Variants in NRG1 observed in about 807,000 individuals in gnomAD.
NRG1 encodes neuregulin 1, also known as pro-neuregulin-1, membrane-bound isoform.
NRG1 carries 18 observed loss-of-function variants against 63.8 expected under a neutral mutation model. That is an observed-to-expected ratio of 0.28 (90% CI 0.19 to 0.42). The LOEUF (loss-of-function observed/expected upper bound fraction) is 0.42. Ranked by LOEUF, NRG1 falls within the 10% of genes least tolerant of loss-of-function variation. NRG1 has a pLI of 1.00. For synonymous variants in NRG1, 302 were observed against 301.3 expected (o/e 1.00, Z -0.02); for missense variants, 762 against 814.7 (o/e 0.94, Z 0.79).
intron 1 of NRG1, among the ~76,000 whole-genome samples, chr8:32,010,809 G>A (rs143579100): frequency 1.2e-4 from 19 of 152,070 alleles, no homozygotes; most frequent in African/African-American, 3.9e-4. Context: ...GAGAGTTACC[G>A]TCATCAGAGT....
intron 1 of NRG1, among the ~76,000 whole-genome samples, chr8:32,593,301 T>C (rs991716136): frequency 1.3e-5 from 2 of 152,202 alleles, no homozygotes; most frequent in Non-Finnish European, 2.9e-5. Flanking sequence ...TGAGGCAATG[T>C]ATTTTTTTAA....
intron 1 of NRG1, among the ~76,000 whole-genome samples, chr8:31,943,410 A>C (rs1802056592): frequency 6.6e-6 from 1 of 152,112 alleles, no homozygotes; most frequent in African/African-American, 2.4e-5. Context: ...GCGAAGGATA[A>C]GAGAATATTC....
intron 5 of NRG1, among the ~76,000 whole-genome samples, chr8:32,655,619 G>A (rs1412060058): frequency 6.6e-6 from 1 of 152,128 alleles, no homozygotes; most frequent in East Asian, 1.9e-4. Context: ...AAAATGGTCT[G>A]TAGGACTTTA....
rs55951634 is a variant in NRG1 at position 32,196,118 on chromosome 8, A to AGTGTGTGTGTGTGTGT, written c.38-399691_38-399676dup. Among the ~76,000 whole-genome samples the AGTGTGTGTGTGTGTGT allele has an allele frequency of 1.0e-3, 150 of 146,950 alleles. 1 individual carries two copies. The highest frequency in any genetic ancestry group is 5.7e-3 in the Admixed American group (83 of 14,548). ...CAAATAATGTGCAGTAAAAACAATG[A>AGTGTGTGTGTGTGTGT]GTGTGTGTGTGTGTGTGTGTGTGTG... On this transcript the variant is annotated intron_variant, in intron 1 of 10. Coordinates refer to the NRG1 transcript ENST00000519301.
intron 1 of NRG1, among the ~76,000 whole-genome samples, chr8:32,124,423 C>G (rs113462063): frequency 0.024 from 3,596 of 151,986 alleles, 155 homozygotes; most frequent in African/African-American, 0.082. Context: ...ATCTTCCCAA[C>G]AAACAGTGAA....
At chr8:32,515,477 C>T (rs556659193) in intron 1 of NRG1, among the ~76,000 whole-genome samples, 59 of 152,136 alleles carry the variant, frequency 3.9e-4, no homozygotes, top group African/African-American at 1.1e-3. Context: ...GACAGGGTCT[C>T]GCTCTGTTTC....
intron 1 of NRG1, among the ~76,000 whole-genome samples, chr8:31,683,172 A>G (rs1808512696): frequency 6.6e-6 from 1 of 152,160 alleles, no homozygotes; most frequent in South Asian, 2.1e-4. Context: ...CTCTTACCAC[A>G]TGATCCAGAA....
intron 1 of NRG1, among the ~76,000 whole-genome samples, chr8:31,717,067 C>A (rs192401449): frequency 1.1e-4 from 16 of 152,264 alleles, no homozygotes; most frequent in African/African-American, 3.6e-4. Flanking sequence ...TTTTAAGTTT[C>A]TTAAAGGAAA....
chr8:32,104,297 T>C (rs1406913582), intron 1 of NRG1, among the ~76,000 whole-genome samples: 1 of 152,200 alleles, frequency 6.6e-6, no homozygotes, highest in Admixed American at 6.5e-5. Flanking sequence ...AAAGGCACAG[T>C]AAAATATGGT....
At chr8:32,274,473 T>C (rs1851878246) in intron 1 of NRG1, among the ~76,000 whole-genome samples, 1 of 152,236 alleles carries the variant, frequency 6.6e-6, no homozygotes, top group Admixed American at 6.5e-5. Flanking sequence ...GCAAAATGTT[T>C]TTACACATGA....
At chr8:31,818,853 C>T (rs970046344) in intron 1 of NRG1, among the ~76,000 whole-genome samples, 3 of 152,020 alleles carry the variant, frequency 2.0e-5, no homozygotes, top group South Asian at 2.1e-4. Flanking sequence ...GTCAGGATAT[C>T]GAGACCATCC....
intron 1 of NRG1, among the ~76,000 whole-genome samples, chr8:31,922,580 T>C (rs1017544289): frequency 6.6e-6 from 1 of 152,234 alleles, no homozygotes; most frequent in African/African-American, 2.4e-5. Flanking sequence ...TTTACTTTTA[T>C]GGGTTGAGCC....
intron 1 of NRG1, among the ~76,000 whole-genome samples, chr8:32,586,311 A>G (rs1841611190): frequency 6.6e-6 from 1 of 151,896 alleles, no homozygotes; most frequent in African/African-American, 2.4e-5. Context: ...TAAGATTTTT[A>G]TCTTTAGTCC....
At chr8:32,705,526 T>G (rs1245135405) in intron 5 of NRG1, among the ~76,000 whole-genome samples, 1 of 152,226 alleles carries the variant, frequency 6.6e-6, no homozygotes, top group East Asian at 1.9e-4. Context: ...AGTAGAAAAT[T>G]TGTGAAGGAC....
At chr8:32,483,790 T>C (rs923531787) in intron 1 of NRG1, among the ~76,000 whole-genome samples, 1 of 152,070 alleles carries the variant, frequency 6.6e-6, no homozygotes, top group African/African-American at 2.4e-5. Context: ...CTGCCTCCAA[T>C]GTCCACCGAC....
intron 6 of NRG1, among the ~76,000 whole-genome samples, chr8:32,731,575 G>T (rs1823676471): frequency 6.6e-6 from 1 of 152,144 alleles, no homozygotes; most frequent in African/African-American, 2.4e-5. Flanking sequence ...GGAAGAATTG[G>T]AGAGTATATT....
intron 2 of NRG1, 115 bp from the exon 3 acceptor site, chr8:32,605,446 TA>T: frequency 8.8e-7 from 1 of 1,137,602 alleles, no homozygotes; most frequent in South Asian, 1.3e-5. Flanking sequence ...TATTTTAACA[TA>T]TGTATAAGGT....
intron 5 of NRG1, among the ~76,000 whole-genome samples, chr8:32,691,301 C>T (rs774961364): frequency 1.3e-5 from 2 of 152,028 alleles, no homozygotes; most frequent in Admixed American, 6.6e-5. Flanking sequence ...TGCAGTGAGC[C>T]GAGATTCTGC....
At chr8:31,692,905 C>T (rs1809674228) in intron 1 of NRG1, among the ~76,000 whole-genome samples, 1 of 152,176 alleles carries the variant, frequency 6.6e-6, no homozygotes, top group Non-Finnish European at 1.5e-5. Context: ...CCGAAAACCT[C>T]AGTTTTTTTA....
Sources: allele counts gnomAD v4.1 joint callset (sites outside exome capture counted in the v4.1 genomes callset), GRCh38; gene constraint gnomAD v4.1.1; transcripts MANE v1.5; gene names NCBI Gene and HGNC (gene_info 2026-07-23, HGNC 2026-07-21).